Variants in STPG2 observed in about 807,000 individuals in gnomAD.
STPG2 encodes sperm tail PG-rich repeat containing 2.
STPG2 carries 56 observed loss-of-function variants against 54.2 expected under a neutral mutation model. The ratio of observed to expected loss-of-function variants is 1.03; its 90% CI spans 0.83 to 1.29. The LOEUF is 1.29. Ranked by LOEUF, STPG2 falls within the 50% of genes most tolerant of loss-of-function variation. STPG2 has a pLI of 0.00. For missense variants in STPG2, 596 were observed against 544.9 expected (o/e 1.09, Z -0.93); for synonymous variants, 200 against 181.8 (o/e 1.10, Z -0.81).
intron 10 of STPG2, among the ~76,000 whole-genome samples, chr4:97,664,105 T>C (rs1722453334): frequency 6.6e-6 from 1 of 152,206 alleles, no homozygotes; most frequent in African/African-American, 2.4e-5. Context: ...TAGATATGTA[T>C]AACTTATTAA....
intron 4 of STPG2, among the ~76,000 whole-genome samples, chr4:97,472,327 G>A (rs1022844749): frequency 2.0e-5 from 3 of 152,230 alleles, no homozygotes; most frequent in Non-Finnish European, 4.4e-5. Context: ...GGGAGACGCA[G>A]TCAGTGGGCA....
chr4:98,066,419 T>G (rs1300902034), intron 5 of STPG2, among the ~76,000 whole-genome samples: 1 of 152,052 alleles, frequency 6.6e-6, no homozygotes, highest in Non-Finnish European at 1.5e-5. Flanking sequence ...TGAAACTCCA[T>G]CTCTAATACA....
intron 8 of STPG2, among the ~76,000 whole-genome samples, chr4:97,861,976 T>C (rs1244205430): frequency 1.3e-5 from 2 of 151,942 alleles, no homozygotes; most frequent in Non-Finnish European, 1.5e-5. Context: ...ACATGCCAAA[T>C]TGTAAAGACC....
intron 2 of STPG2, among the ~76,000 whole-genome samples, chr4:98,131,105 A>G (rs1418412206): frequency 6.6e-6 from 1 of 152,006 alleles, no homozygotes. Flanking sequence ...TTCTGCACAT[A>G]AAGTGGGAAA....
chr4:97,961,262 GC>G (rs1372359057), intron 7 of STPG2, among the ~76,000 whole-genome samples: 1 of 152,044 alleles, frequency 6.6e-6, no homozygotes. Context: ...GATAACACCA[GC>G]AAAAACCTTC....
chr4:97,532,640 G>T (rs564083758), intron 4 of STPG2, among the ~76,000 whole-genome samples: 1 of 152,126 alleles, frequency 6.6e-6, no homozygotes, highest in East Asian at 1.9e-4. Context: ...CGGTTCAGGA[G>T]GAAAATGGAA....
chr4:97,576,227 C>G (rs1161302745), intron 10 of STPG2, among the ~76,000 whole-genome samples: 1 of 151,252 alleles, frequency 6.6e-6, no homozygotes, highest in Non-Finnish European at 1.5e-5. Context: ...TATCAAACTA[C>G]CAAGGTCATT....
chr4:97,663,453 C>G (rs1301662457), intron 10 of STPG2, among the ~76,000 whole-genome samples: 1 of 152,112 alleles, frequency 6.6e-6, no homozygotes, highest in Non-Finnish European at 1.5e-5. Flanking sequence ...AAATAGCCAA[C>G]AATTGTGTTA....
intron 4 of STPG2, among the ~76,000 whole-genome samples, chr4:97,521,173 AT>A (rs1731173483): frequency 6.6e-6 from 1 of 152,050 alleles, no homozygotes; most frequent in Non-Finnish European, 1.5e-5. Context: ...TGATCATTCC[AT>A]GATCAGTGTG....
intron 7 of STPG2, 34 bp downstream of exon 7, chr4:97,972,246 C>G: frequency 7.1e-7 from 1 of 1,400,314 alleles, no homozygotes; most frequent in African/African-American, 1.5e-5. Context: ...TGATATTCAA[C>G]ATAAAGAATA....
At chr4:97,686,229 T>C (rs958743751) in intron 10 of STPG2, among the ~76,000 whole-genome samples, 2 of 146,642 alleles carry the variant, frequency 1.4e-5, no homozygotes, top group African/African-American at 4.9e-5. Context: ...GCTCCTTTCC[T>C]TTTTCTTTTT....
chr4:97,533,083 G>A (rs1731451402), intron 4 of STPG2, among the ~76,000 whole-genome samples: 1 of 151,914 alleles, frequency 6.6e-6, no homozygotes, highest in Admixed American at 6.6e-5. Flanking sequence ...GGGTTTCACT[G>A]TGTTAGCCAG....
intron 9 of STPG2, among the ~76,000 whole-genome samples, chr4:97,825,671 T>C (rs1728229270): frequency 6.6e-6 from 1 of 152,294 alleles, no homozygotes; most frequent in East Asian, 1.9e-4. Context: ...AACTGGTAAA[T>C]GAAAAATCTT....
chr4:97,704,340 G>A (rs757891510), intron 10 of STPG2, among the ~76,000 whole-genome samples: 7 of 152,050 alleles, frequency 4.6e-5, no homozygotes, highest in South Asian at 2.1e-4. Flanking sequence ...TCTCTATTCC[G>A]ATACAAGAAA....
At chr4:97,978,125 A>G (rs1397773035) in intron 6 of STPG2, among the ~76,000 whole-genome samples, 3 of 152,276 alleles carry the variant, frequency 2.0e-5, no homozygotes, top group East Asian at 3.9e-4. Context: ...TAAAGTGTTC[A>G]GTTTTCTGGA....
intron 5 of STPG2, among the ~76,000 whole-genome samples, chr4:98,042,538 CA>C (rs1050749216): frequency 1.3e-5 from 2 of 151,334 alleles, no homozygotes; most frequent in African/African-American, 4.8e-5. Flanking sequence ...TTATTCATTT[CA>C]AAAAAAATCA....
Position 97,840,804 on chromosome 4 carries a change from A to G in STPG2, c.1173T>C (p.Pro391=). ...RKHASFLSAT[P]RCLEKVTDGP... is the part of the protein sequence containing the mutation. The stretch of plus-strand genomic sequence containing the variant: ...CATCAGTCACTTTTTCTAGGCACCG[A>G]GGAGTTGCACTAAGAAAAGAGGCAT... The change falls in exon 9 of 11, where the codon CCT becomes CCC. Residue 391 remains proline (P), a synonymous_variant. Coordinates refer to ENST00000295268, the MANE Select transcript of STPG2 (RefSeq NM_174952.3). The G allele has an allele frequency of 6.2e-7, 1 of 1,611,922 alleles. No homozygotes were observed. Among genetic ancestry groups the G allele is most frequent in the Non-Finnish European group, 8.5e-7 (1 of 1,178,438 alleles).
chr4:97,925,257 T>A (rs1416495078), intron 8 of STPG2, among the ~76,000 whole-genome samples: 1 of 152,202 alleles, frequency 6.6e-6, no homozygotes, highest in Non-Finnish European at 1.5e-5. Flanking sequence ...TTTATCACAG[T>A]GCATCATGTT....
intron 9 of STPG2, among the ~76,000 whole-genome samples, chr4:97,838,886 C>T (rs892152306): frequency 3.3e-5 from 5 of 151,426 alleles, no homozygotes; most frequent in Non-Finnish European, 7.4e-5. Context: ...ATAATAGAGG[C>T]ACATGGGGTT....
Sources: gnomAD v4.1 joint callset for allele counts (sites outside exome capture counted in the v4.1 genomes callset) on GRCh38, gnomAD v4.1.1 for gene constraint, MANE v1.5 for transcripts, NCBI Gene and HGNC (gene_info 2026-07-23, HGNC 2026-07-21) for gene names.